TENM4: variants seen among roughly 807,000 people sequenced by gnomAD.
The protein encoded by TENM4 is teneurin-4.
A neutral mutation model predicts 243.3 loss-of-function variants in TENM4; 82 were observed. The ratio of observed to expected loss-of-function variants is 0.34; its 90% CI spans 0.28 to 0.40. TENM4 has a LOEUF of 0.40. TENM4 is among the 10% of genes least tolerant of loss of function. The pLI is 1.00. For missense variants in TENM4, 3,138 were observed against 3,673.3 expected, an observed-to-expected ratio of 0.85 and a Z score of 3.77; for synonymous variants, 1,412 against 1,456.3, an observed-to-expected ratio of 0.97 and a Z score of 0.69.
intron 26 of TENM4, 140 bp from the exon 27 acceptor site, chr11:78,708,655 A>G: frequency 1.7e-5 from 17 of 999,830 alleles, no homozygotes; most frequent in Non-Finnish European, 2.3e-5. Flanking sequence ...TCCTCTCTCA[A>G]AGAGGAGGAG....
intron 20 of TENM4, among the ~76,000 whole-genome samples, chr11:78,735,183 A>G (rs1398991208): frequency 6.6e-6 from 1 of 152,172 alleles, no homozygotes; most frequent in East Asian, 1.9e-4. Flanking sequence ...CACCCTTTGC[A>G]GGAGCTATCA....
At position 79,064,922 on chromosome 11, in the gene TENM4, G is replaced by A. The variant is rs1214438417; in HGVS notation, c.309C>T (p.Pro103=). 3 of 1,540,364 alleles carry A rather than the reference G, an allele frequency of 1.9e-6. No homozygotes were observed. Among genetic ancestry groups the A allele is most frequent in the Non-Finnish European group, 2.6e-6 (3 of 1,139,386 alleles). Residue 103 remains proline, a synonymous_variant, in exon 6 of 34, where the codon CCC becomes CCT. Coordinates refer to ENST00000278550, the MANE Select transcript of TENM4 (RefSeq NM_001098816.3). ...GTLYRTDIGL[P]HCGYSMGAGS... is the part of the protein sequence containing the mutation. The stretch of plus-strand genomic sequence containing the variant: ...CAGCCCCCATGGAGTAGCCGCAGTG[G>A]GGGAGGCCAATGTCTGTCCGGTACA...
chr11:79,031,040 G>A (rs985530688), intron 6 of TENM4, among the ~76,000 whole-genome samples: 8 of 152,198 alleles, frequency 5.3e-5, no homozygotes, highest in South Asian at 2.1e-4. Context: ...ATTATTTGAC[G>A]AAAGCCTGTC....
At chr11:79,195,353 T>C (rs938109209) in intron 3 of TENM4, among the ~76,000 whole-genome samples, 1 of 152,106 alleles carries the variant, frequency 6.6e-6, no homozygotes, top group African/African-American at 2.4e-5. Context: ...GACACCAGAA[T>C]GGTAGGTCCA....
At chr11:78,971,072 G>T (rs182509597) in intron 6 of TENM4, among the ~76,000 whole-genome samples, 223 of 152,098 alleles carry the variant, frequency 1.5e-3, no homozygotes, top group African/African-American at 5.3e-3. Context: ...GAATGTAGTG[G>T]CTATTCACAG....
At chr11:78,660,278 C>A (rs1045709437) in intron 33 of TENM4, among the ~76,000 whole-genome samples, 2 of 152,164 alleles carry the variant, frequency 1.3e-5, no homozygotes, top group African/African-American at 4.8e-5. Flanking sequence ...AAACCCTGGT[C>A]CCCTCACCTG....
intron 9 of TENM4, among the ~76,000 whole-genome samples, chr11:78,889,104 A>C (rs1465001157): frequency 6.6e-6 from 1 of 152,172 alleles, no homozygotes; most frequent in Non-Finnish European, 1.5e-5. Flanking sequence ...AGAGGTCGGG[A>C]GGAGCTCCTT....
chr11:79,204,731 G>A (rs764628694), intron 3 of TENM4, among the ~76,000 whole-genome samples: 17 of 152,156 alleles, frequency 1.1e-4, no homozygotes, highest in Admixed American at 2.0e-4. Flanking sequence ...CATCCTATGC[G>A]CTCCTAGGGT....
At chr11:79,040,547 A>G (rs758514652) in intron 6 of TENM4, among the ~76,000 whole-genome samples, 3 of 152,138 alleles carry the variant, frequency 2.0e-5, no homozygotes, top group Non-Finnish European at 4.4e-5. Context: ...TTACTTTTCT[A>G]GTGAGTTAAT....
chr11:79,201,047 G>T (rs1323998198), intron 3 of TENM4, among the ~76,000 whole-genome samples: 2 of 152,188 alleles, frequency 1.3e-5, no homozygotes, highest in African/African-American at 2.4e-5. Flanking sequence ...AGAATCTTTT[G>T]TTCCAACTGG....
At chr11:78,677,011 A>G (rs1035460954) in intron 29 of TENM4, among the ~76,000 whole-genome samples, 11 of 152,156 alleles carry the variant, frequency 7.2e-5, no homozygotes, top group African/African-American at 1.2e-4. Flanking sequence ...GCGAATGGGT[A>G]TGGGATTTCT....
At chr11:79,307,651 C>G (rs546651967) in intron 1 of TENM4, among the ~76,000 whole-genome samples, 1 of 152,310 alleles carries the variant, frequency 6.6e-6, no homozygotes, top group South Asian at 2.1e-4. Context: ...CCACTCTCAG[C>G]AGCCCCATTT....
intron 25 of TENM4, among the ~76,000 whole-genome samples, chr11:78,719,184 G>A (rs1265001658): frequency 2.0e-5 from 3 of 152,050 alleles, no homozygotes; most frequent in Non-Finnish European, 2.9e-5. Context: ...CCTTATGTTA[G>A]AAACTAAAGC....
At chr11:78,687,181 A>G (rs1000134225) in intron 29 of TENM4, among the ~76,000 whole-genome samples, 1 of 152,024 alleles carries the variant, frequency 6.6e-6, no homozygotes, top group Non-Finnish European at 1.5e-5. Flanking sequence ...ACAGGGCCCC[A>G]AATCGCCCAC....
chr11:78,660,188 C>T (rs1857994863), intron 33 of TENM4, among the ~76,000 whole-genome samples: 1 of 152,148 alleles, frequency 6.6e-6, no homozygotes. Flanking sequence ...GTGGTGGGAA[C>T]TGGAGAGGCT....
chr11:78,910,232 C>T lies in TENM4; in HGVS notation c.494-6709G>A, dbSNP rs1044689901. Among the ~76,000 whole-genome samples the T allele has an allele frequency of 2.8e-4, 43 of 152,270 alleles. 1 individual carries two copies. The highest frequency in any genetic ancestry group is 1.8e-3 in the Admixed American group (27 of 15,306). ...CAGGTGCCTGAAGGTCTCCTTGCTA[C>T]GGAGCTAATGATGACCCAAGCATAC... On this transcript the variant is annotated intron_variant, in intron 6 of 33. Transcript: ENST00000278550.
chr11:78,885,989 G>A (rs767672701), intron 9 of TENM4, among the ~76,000 whole-genome samples: 3 of 152,162 alleles, frequency 2.0e-5, no homozygotes, highest in Admixed American at 6.5e-5. Flanking sequence ...CCAACCAGAC[G>A]TGACAGCCCT....
At chr11:78,848,593 C>T (rs1478990212) in intron 12 of TENM4, among the ~76,000 whole-genome samples, 1 of 152,162 alleles carries the variant, frequency 6.6e-6, no homozygotes, top group Non-Finnish European at 1.5e-5. Flanking sequence ...CTCCTTGACC[C>T]ATCCAGCTAG....
intron 10 of TENM4, among the ~76,000 whole-genome samples, chr11:78,858,254 A>G (rs1458623013): frequency 6.6e-6 from 1 of 152,166 alleles, no homozygotes. Context: ...TCAGGCATAA[A>G]TAAGTTGGCT....
Sources: allele counts gnomAD v4.1 joint callset (sites outside exome capture counted in the v4.1 genomes callset), GRCh38; gene constraint gnomAD v4.1.1; transcripts MANE v1.5; gene names NCBI Gene and HGNC (gene_info 2026-07-23, HGNC 2026-07-21).